Variants in NPAS3 observed in about 807,000 individuals in gnomAD.
NPAS3 encodes the protein neuronal PAS domain-containing protein 3.
Under a neutral mutation model 73.1 loss-of-function variants are expected in NPAS3, and 14 were observed. That is an observed-to-expected ratio of 0.19 (90% CI 0.13 to 0.30). The LOEUF (loss-of-function observed/expected upper bound fraction) is 0.30. NPAS3 is among the 10% of genes least tolerant of loss of function. NPAS3 has a pLI of 1.00. For missense variants in NPAS3, 1,096 were observed against 1,250.0 expected, an observed-to-expected ratio of 0.88 and a Z score of 1.86; for synonymous variants, 620 against 541.5, an observed-to-expected ratio of 1.14 and a Z score of -2.01.
intron 5 of NPAS3, among the ~76,000 whole-genome samples, chr14:33,657,889 T>C (rs2059193002): frequency 6.6e-6 from 1 of 152,210 alleles, no homozygotes; most frequent in Non-Finnish European, 1.5e-5. Context: ...TCAAATTGAC[T>C]GCAGGAAGCG....
At chr14:33,184,780 T>A (rs934643748) in intron 2 of NPAS3, among the ~76,000 whole-genome samples, 41 of 152,084 alleles carry the variant, frequency 2.7e-4, no homozygotes, top group African/African-American at 9.6e-4. Flanking sequence ...ATGTGGACAG[T>A]GGGTGGTGCC....
chr14:33,113,075 T>G (rs940058226), intron 2 of NPAS3, among the ~76,000 whole-genome samples: 1 of 152,282 alleles, frequency 6.6e-6, no homozygotes, highest in African/African-American at 2.4e-5. Flanking sequence ...TGTAGCCTTG[T>G]AGTATAGTTT....
chr14:33,455,982 G>T (rs145205663), intron 4 of NPAS3, among the ~76,000 whole-genome samples: 15 of 152,296 alleles, frequency 9.8e-5, no homozygotes, highest in African/African-American at 3.6e-4. Flanking sequence ...CCATGTCTTT[G>T]TGGGAAGGAA....
intron 7 of NPAS3, among the ~76,000 whole-genome samples, chr14:33,770,148 C>T (rs1595581855): frequency 6.6e-6 from 1 of 152,124 alleles, no homozygotes; most frequent in Non-Finnish European, 1.5e-5. Context: ...CAGGTACAGC[C>T]GGGACAGGGG....
chr14:33,413,798 T>A (rs1031406585), intron 4 of NPAS3, among the ~76,000 whole-genome samples: 5 of 152,182 alleles, frequency 3.3e-5, no homozygotes, highest in African/African-American at 1.2e-4. Context: ...TCATCTAAAT[T>A]CTACCCTCAG....
intron 4 of NPAS3, among the ~76,000 whole-genome samples, chr14:33,539,535 G>A (rs944911077): frequency 5.9e-5 from 9 of 152,118 alleles, no homozygotes; most frequent in African/African-American, 2.2e-4. Flanking sequence ...ATCCACTGAC[G>A]AAAGACTGGA....
chr14:33,307,613 T>TGTGTGTGTGTGTGTGTGTGTGTGTGTGTG (rs763634896), intron 3 of NPAS3, among the ~76,000 whole-genome samples: 1 of 44,136 alleles, frequency 2.3e-5, no homozygotes. Context: ...GTGTGTGTGT[T>TGTGTGTGTGTGTGTGTGTGTGTGTGTGTG]CGTGTGCGTG....
At chr14:33,441,268 A>G (rs923534949) in intron 4 of NPAS3, among the ~76,000 whole-genome samples, 1 of 152,252 alleles carries the variant, frequency 6.6e-6, no homozygotes, top group African/African-American at 2.4e-5. Flanking sequence ...TAGTATTATT[A>G]ATTACATCAC....
intron 2 of NPAS3, among the ~76,000 whole-genome samples, chr14:33,098,740 CTT>C (rs2042495436): frequency 6.6e-6 from 1 of 152,158 alleles, no homozygotes; most frequent in South Asian, 2.1e-4. Flanking sequence ...TTTCACATAA[CTT>C]AGTATACTCA....
chr14:33,648,655 T>C (rs2058903474), intron 5 of NPAS3, among the ~76,000 whole-genome samples: 1 of 152,168 alleles, frequency 6.6e-6, no homozygotes, highest in African/African-American at 2.4e-5. Flanking sequence ...GGCATAGAGT[T>C]GAACACATCC....
chr14:33,036,068 C>T (rs1201166113), intron 1 of NPAS3, among the ~76,000 whole-genome samples: 2 of 152,142 alleles, frequency 1.3e-5, no homozygotes, highest in Admixed American at 1.3e-4. Context: ...GATGTTTGAG[C>T]TGAAAGATCC....
chr14:33,629,189 T>A (rs940872012), intron 5 of NPAS3, among the ~76,000 whole-genome samples: 3 of 148,644 alleles, frequency 2.0e-5, no homozygotes, highest in Non-Finnish European at 4.4e-5. Context: ...GAGGGGAGAT[T>A]GCGCCACTGC....
At chr14:33,166,248 A>G (rs993641894) in intron 2 of NPAS3, among the ~76,000 whole-genome samples, 2 of 151,718 alleles carry the variant, frequency 1.3e-5, no homozygotes, top group Admixed American at 6.6e-5. Context: ...ACTGGGCTTT[A>G]CTCCTCACAT....
chr14:33,769,761 T>TC (rs1278517429), intron 7 of NPAS3, among the ~76,000 whole-genome samples: 2 of 102,524 alleles, frequency 2.0e-5, no homozygotes, highest in African/African-American at 6.4e-5. Context: ...TTTTTCTTTT[T>TC]TTTTTTTTTT....
intron 6 of NPAS3, among the ~76,000 whole-genome samples, chr14:33,710,997 A>G (rs1340202418): frequency 2.0e-5 from 3 of 152,302 alleles, no homozygotes; most frequent in Admixed American, 6.5e-5. Context: ...AACTTCTCGA[A>G]TATTTGCTTT....
At chr14:33,528,625 C>T (rs1439018510) in intron 4 of NPAS3, among the ~76,000 whole-genome samples, 2 of 152,052 alleles carry the variant, frequency 1.3e-5, no homozygotes, top group Non-Finnish European at 2.9e-5. Flanking sequence ...ACCCAAGCCT[C>T]TTCCCAGCGC....
At chr14:33,105,244 G>T (rs1354560317) in intron 2 of NPAS3, among the ~76,000 whole-genome samples, 1 of 152,092 alleles carries the variant, frequency 6.6e-6, no homozygotes, top group African/African-American at 2.4e-5. Flanking sequence ...GTGACGCTTT[G>T]CTCTGTCACT....
At chr14:33,234,837 T>G (rs947617400) in intron 3 of NPAS3, among the ~76,000 whole-genome samples, 1 of 152,166 alleles carries the variant, frequency 6.6e-6, no homozygotes, top group African/African-American at 2.4e-5. Flanking sequence ...CATTTGGTTT[T>G]TGATTGCTCG....
intron 6 of NPAS3, among the ~76,000 whole-genome samples, chr14:33,703,592 G>A (rs918264991): frequency 4.0e-5 from 6 of 151,700 alleles, no homozygotes; most frequent in African/African-American, 1.5e-4. Context: ...GAAAATTCTG[G>A]TTTTAAATTT....
Sources: allele counts gnomAD v4.1 joint callset (sites outside exome capture counted in the v4.1 genomes callset), GRCh38; gene constraint gnomAD v4.1.1; transcripts MANE v1.5; gene names NCBI Gene and HGNC (gene_info 2026-07-23, HGNC 2026-07-21).